The following CENPC variants were observed in gnomAD, a reference collection of about 807,000 sequenced individuals.
CENPC encodes CENP-C 1.
A neutral mutation model predicts 112.1 loss-of-function variants in CENPC; 63 were observed. The observed-to-expected ratio is 0.56, with a 90% confidence interval of 0.46 to 0.69. The LOEUF (loss-of-function observed/expected upper bound fraction) is 0.69, where lower values mean the gene tolerates loss of function less well. CENPC is among the 30% of genes least tolerant of loss of function. The pLI is 0.00. For synonymous variants in CENPC, 333 were observed against 367.6 expected, an observed-to-expected ratio of 0.91 and a Z score of 1.08; for missense variants, 1,000 against 1,103.8, an observed-to-expected ratio of 0.91 and a Z score of 1.33.
chr4:67,472,691 T>C lies in CENPC; in HGVS notation c.2762-16A>G, dbSNP rs1379208289. On this transcript the variant is annotated splice_polypyrimidine_tract_variant and intron_variant, in intron 18 of 18. Transcript: ENST00000273853. ...TAATAGTTACCTAAAAGTAAAGTGA[T>C]AAGAAAATAAAAATTATTTACATAT... 15 of 1,488,700 alleles carry C rather than the reference T, an allele frequency of 1.0e-5. No homozygotes were observed. Among genetic ancestry groups the C allele is most frequent in the African/African-American group, 1.4e-5 (1 of 70,030 alleles). 92.2% of individuals were successfully genotyped at this position (1,488,700 alleles called of 1,614,324 possible).
In CENPC at chr4:67,471,950, C is replaced by T. The variant is rs534692074; in HGVS notation, c.*655G>A. On this transcript the variant is annotated 3_prime_UTR_variant, in exon 19 of 19. Coordinates refer to ENST00000273853, the MANE Select transcript of CENPC (RefSeq NM_001812.4). ...TAGATGTCATGCCAACACAGACACA[C>T]AAGGTGAGAATACCATGTGATAATG... 5 of 152,298 alleles carry T rather than the reference C, an allele frequency of 3.3e-5. No homozygotes were observed. In the South Asian group the frequency reaches 1.0e-3, roughly 32 times the overall value. 9.4% of individuals were successfully genotyped at this position (152,298 alleles called of 1,614,324 possible).
intron 3 of CENPC, 62 bp downstream of exon 3, chr4:67,540,918 C>T: frequency 9.0e-7 from 1 of 1,110,848 alleles, no homozygotes; most frequent in East Asian, 2.5e-5. Flanking sequence ...TATTAATTAC[C>T]ATGACAAATT....
At chr4:67,489,199 C>T (rs1473098592) in intron 17 of CENPC, among the ~76,000 whole-genome samples, 2 of 11,632 alleles carry the variant, frequency 1.7e-4, no homozygotes, top group Non-Finnish European at 2.0e-3. Context: ...GTTATACATA[C>T]ACACACACAC....
Position 67,514,325 on chromosome 4 carries a change from G to T in CENPC, c.1193C>A (p.Thr398Lys), listed in dbSNP as rs761128759. ...ATTCTTGGAATACATTTCATATTTT[G>T]TAGATCTATAATTATTTACTGTTTC... is the stretch of plus-strand genomic sequence containing the variant. ...IGETVNNYRS[T>K]KYEMYSKNAE... The change falls in exon 8 of 19, where the codon ACA becomes AAA. Residue 398 changes from threonine to lysine, a missense_variant. By Grantham distance (78) the Thr-to-Lys change is moderately conservative (BLOSUM62 -1). Coordinates refer to ENST00000273853, the MANE Select transcript of CENPC (RefSeq NM_001812.4). The T allele has an allele frequency of 2.5e-6, 4 of 1,610,832 alleles. No individual in the cohort carries two copies. The highest frequency in any genetic ancestry group is 3.4e-6 in the Non-Finnish European group (4 of 1,178,044).
At chr4:67,489,444 T>G (rs1394842312) in intron 17 of CENPC, among the ~76,000 whole-genome samples, 1 of 152,016 alleles carries the variant, frequency 6.6e-6, no homozygotes, top group Non-Finnish European at 1.5e-5. Context: ...AATAGTTAAG[T>G]AGTTTTTTTA....
intron 17 of CENPC, among the ~76,000 whole-genome samples, chr4:67,479,360 T>C (rs1724893215): frequency 6.6e-6 from 1 of 152,068 alleles, no homozygotes; most frequent in Non-Finnish European, 1.5e-5. Context: ...AAACCAAAAT[T>C]ATATCAAGTA....
In CENPC at chr4:67,514,497, G is replaced by A. The variant is rs11250; in HGVS notation, c.1021C>T (p.Leu341Phe). 0.62 allele frequency: 1,003,837 copies of A among 1,612,834 alleles called. 314,991 individuals carry two copies. The highest frequency in any genetic ancestry group is 0.8 in the East Asian group (35,698 of 44,764). Residue 341 changes from leucine (L) to phenylalanine (F), a missense_variant, in exon 8 of 19, where the codon CTT becomes TTT. Physicochemically the swap from Leu to Phe is conservative, Grantham distance 22. Coordinates refer to ENST00000273853, the MANE Select transcript of CENPC (RefSeq NM_001812.4). ...TTTTCTCTTGACTTTCTACCTTGAA[G>A]GAGTGCAGTGCTCTCAGCCGGGGAT... ...TISPAESTAL[L>F]QGRKSREKHH...
At chr4:67,480,608 C>T (rs568465346) in intron 17 of CENPC, among the ~76,000 whole-genome samples, 1 of 152,298 alleles carries the variant, frequency 6.6e-6, no homozygotes, top group South Asian at 2.1e-4. Context: ...ACCAATCCAA[C>T]TGAAATGATT....
chr4:67,492,192 T>A lies in CENPC; in HGVS notation c.2503A>T (p.Ile835Phe). ...TGCCTGATCTTACCCATGAGAATAA[T>A]CTCTCTTGTTTCTGGGTCCTTTACC... ...TRVKDPETRE[I>F]ILMDLVRPQD... Residue 835 changes from isoleucine (I) to phenylalanine (F), a missense_variant, in exon 16 of 19, where the codon ATT becomes TTT. By Grantham distance (21) the Ile-to-Phe change is conservative. Coordinates refer to ENST00000273853, the MANE Select transcript of CENPC (RefSeq NM_001812.4). 1.3e-6 allele frequency: 2 copies of A among 1,558,074 alleles called. No homozygotes were observed. Among genetic ancestry groups the A allele is most frequent in the African/African-American group, 1.4e-5 (1 of 73,904 alleles).
At chr4:67,514,035 A>G (rs765451158) in intron 8 of CENPC, 39 bp downstream of exon 8, 1 of 1,496,052 alleles carries the variant, frequency 6.7e-7, no homozygotes, top group Non-Finnish European at 8.8e-7. Context: ...TAAAATGGGT[A>G]GAATAATGCT....
chr4:67,514,534 T>C lies in CENPC; in HGVS notation c.984A>G (p.Lys328=), dbSNP rs1318982426. 6.2e-7 allele frequency: 1 copy of C among 1,612,908 alleles called. No individual in the cohort carries two copies. The highest frequency in any genetic ancestry group is 2.2e-5 in the East Asian group (1 of 44,762). The change falls in exon 8 of 19, where the codon AAA becomes AAG. Residue 328 remains lysine, a synonymous_variant. Coordinates refer to ENST00000273853, the MANE Select transcript of CENPC (RefSeq NM_001812.4). The stretch of plus-strand genomic sequence containing the variant: ...TCTCAGCCGGGGATATTGTGCGTTG[T>C]TTCAGAGACCCTGCCTTTCTTGGTA... ...ITIPRKAGSL[K]QRTISPAEST...
intron 17 of CENPC, among the ~76,000 whole-genome samples, chr4:67,482,820 C>G (rs1017786413): frequency 2.0e-5 from 3 of 152,056 alleles, no homozygotes; most frequent in African/African-American, 7.2e-5. Context: ...GATAGGTGCA[C>G]CAAAATCTCA....
intron 2 of CENPC, among the ~76,000 whole-genome samples, chr4:67,541,262 C>T (rs1726882346): frequency 6.6e-6 from 1 of 152,110 alleles, no homozygotes; most frequent in South Asian, 2.1e-4. Flanking sequence ...TCATAATCTA[C>T]CTTAACAATT....
intron 17 of CENPC, among the ~76,000 whole-genome samples, chr4:67,484,904 T>A (rs1725052941): frequency 6.6e-6 from 1 of 152,036 alleles, no homozygotes. Flanking sequence ...CCATCCTGGC[T>A]AACACAGTGA....
rs185083846 is a variant in CENPC, at chr4:67,504,943, C to T, written c.2131+262G>A. On this transcript the variant is annotated intron_variant, in intron 12 of 18. Transcript: ENST00000273853. ...AGATCACTAATCTGCTTCATGTATA[C>T]CCTTATTAGCTTAACAATTTTAAAT... 453 of 429,450 alleles carry T rather than the reference C, an allele frequency of 1.1e-3. 2 individuals are homozygous for T. Among genetic ancestry groups the T allele is most frequent in the African/African-American group, 8.6e-3 (416 of 48,334 alleles). 26.6% of individuals were successfully genotyped at this position (429,450 alleles called of 1,614,324 possible).
At chr4:67,489,668 TC>T (rs1328672473) in intron 17 of CENPC, among the ~76,000 whole-genome samples, 1 of 151,774 alleles carries the variant, frequency 6.6e-6, no homozygotes, top group Non-Finnish European at 1.5e-5. Context: ...ATCTCTATAA[TC>T]CCCCCCAGCA....
At chr4:67,498,123 C>T (rs577268795) in intron 12 of CENPC, among the ~76,000 whole-genome samples, 7 of 152,018 alleles carry the variant, frequency 4.6e-5, no homozygotes, top group African/African-American at 1.7e-4. Context: ...ATCCCAGCTA[C>T]TCTTGGTGGC....
chr4:67,518,461 CA>C, intron 6 of CENPC, 93 bp from the exon 7 acceptor site: 3 of 1,272,964 alleles, frequency 2.4e-6, no homozygotes, highest in Non-Finnish European at 3.0e-6. Flanking sequence ...CAATACAGAC[CA>C]ATTTAAAATT....
At chr4:67,488,923 T>C (rs1461109799) in intron 17 of CENPC, among the ~76,000 whole-genome samples, 3 of 151,954 alleles carry the variant, frequency 2.0e-5, no homozygotes, top group Admixed American at 1.3e-4. Context: ...TCTTTGTTAA[T>C]ATAAACTCAA....
Sources: gnomAD v4.1 joint callset for allele counts (sites outside exome capture counted in the v4.1 genomes callset) on GRCh38, gnomAD v4.1.1 for gene constraint, MANE v1.5 for transcripts, NCBI Gene and HGNC (gene_info 2026-07-23, HGNC 2026-07-21) for gene names.